Variants in SNX3 observed in about 807,000 individuals in gnomAD.
SNX3 encodes the protein sorting nexin 3, also known as sorting nexin-3.
A neutral mutation model predicts 17.7 loss-of-function variants in SNX3; 5 were observed. The ratio of observed to expected loss-of-function variants is 0.28; its 90% confidence interval spans 0.15 to 0.59. The LOEUF is 0.59. Among genes scored for constraint, SNX3 ranks in the 20% least tolerant of loss-of-function variants. The probability of loss-of-function intolerance (pLI) is 0.88; values close to 1 mark genes in which losing one functional copy is unlikely to be tolerated. For synonymous variants in SNX3, 91 were observed against 76.5 expected (o/e 1.19, Z -0.99); for missense variants, 132 against 206.8 (o/e 0.64, Z 2.22).
At chr6:108,252,857 C>T (rs989394726) in intron 1 of SNX3, among the ~76,000 whole-genome samples, 1 of 151,960 alleles carries the variant, frequency 6.6e-6, no homozygotes, top group Non-Finnish European at 1.5e-5. Context: ...AGGCTGGTCT[C>T]GAACTCCTGA....
At chr6:108,241,713 T>A (rs1405935888) in intron 1 of SNX3, among the ~76,000 whole-genome samples, 2 of 152,084 alleles carry the variant, frequency 1.3e-5, no homozygotes, top group African/African-American at 4.8e-5. Flanking sequence ...CACCTCCCCT[T>A]TGGGGAGGGG....
chr6:108,239,095 G>T (rs217126), intron 1 of SNX3, among the ~76,000 whole-genome samples: 307 of 152,102 alleles, frequency 2.0e-3, no homozygotes, highest in African/African-American at 7.1e-3. Flanking sequence ...TAGAGACGGG[G>T]TTTCGCCACA....
chr6:108,240,175 T>C (rs1394408326), intron 1 of SNX3, among the ~76,000 whole-genome samples: 1 of 152,216 alleles, frequency 6.6e-6, no homozygotes, highest in Non-Finnish European at 1.5e-5. Flanking sequence ...CAAGAAAAAC[T>C]ACTCAACTCA....
intron 1 of SNX3, among the ~76,000 whole-genome samples, chr6:108,245,983 C>T (rs1342720377): frequency 6.6e-6 from 1 of 152,134 alleles, no homozygotes; most frequent in Non-Finnish European, 1.5e-5. Flanking sequence ...GTTGCAATTG[C>T]TTTTGATGTT....
chr6:108,260,339 T>C (rs1005009057), intron 1 of SNX3, among the ~76,000 whole-genome samples: 2 of 152,226 alleles, frequency 1.3e-5, no homozygotes, highest in African/African-American at 2.4e-5. Context: ...CGGGTTGGCT[T>C]GCTACCTCTG....
intron 1 of SNX3, among the ~76,000 whole-genome samples, chr6:108,249,011 A>T (rs1775771221): frequency 6.6e-6 from 1 of 152,196 alleles, no homozygotes; most frequent in South Asian, 2.1e-4. Flanking sequence ...ATTAAAAATT[A>T]TTTATACAAC....
At chr6:108,218,587 C>A (rs776707337) in intron 2 of SNX3, among the ~76,000 whole-genome samples, 12 of 152,124 alleles carry the variant, frequency 7.9e-5, no homozygotes. Context: ...AGCAGCACTA[C>A]CAATAACAGC....
chr6:108,242,085 C>T (rs1775538080), intron 1 of SNX3, among the ~76,000 whole-genome samples: 1 of 152,078 alleles, frequency 6.6e-6, no homozygotes, highest in South Asian at 2.1e-4. Context: ...ACAGTGGATT[C>T]AAACTGGCAG....
rs1394544234 is a variant in SNX3 at position 108,260,819 on chromosome 6, T to G, written c.103A>C (p.Asn35His). The change falls in exon 1 of 4, where the codon AAC (asparagine) becomes CAC (histidine). Residue 35 changes from asparagine (N) to histidine (H), a missense_variant. Physicochemically the swap from Asn to His is moderately conservative, Grantham distance 68. Coordinates refer to ENST00000230085, the MANE Select transcript of SNX3 (RefSeq NM_003795.6). Reference sequence around the variant, plus strand: ...CGGCCGACCCCCACCGTTTGCGGGTTGCTCACATCGATCTCGAGGAAGTTG... The same window carrying G: ...CGGCCGACCCCCACCGTTTGCGGGTGGCTCACATCGATCTCGAGGAAGTTG... The part of the protein sequence containing the change: ...PSNFLEIDVS[N>H]PQTVGVGRGR... The G allele has an allele frequency of 6.2e-7, 1 of 1,613,916 alleles. No homozygotes were observed. The highest frequency in any genetic ancestry group is 8.5e-7 in the Non-Finnish European group (1 of 1,179,888).
intron 1 of SNX3, chr6:108,252,432 C>T (rs2114766109): frequency 6.6e-6 from 1 of 152,446 alleles, no homozygotes; most frequent in East Asian, 1.9e-4. Flanking sequence ...AATGCAATTG[C>T]TCGTCTGATC....
intron 2 of SNX3, among the ~76,000 whole-genome samples, chr6:108,217,038 G>A (rs1774607256): frequency 6.6e-6 from 1 of 151,664 alleles, no homozygotes; most frequent in Non-Finnish European, 1.5e-5. Context: ...TGGCTATCTG[G>A]TGGGCAGGGA....
intron 1 of SNX3, among the ~76,000 whole-genome samples, chr6:108,235,679 T>C (rs572796036): frequency 6.6e-6 from 1 of 152,134 alleles, no homozygotes; most frequent in East Asian, 1.9e-4. Flanking sequence ...GTGAATCACT[T>C]GAGGTCAGGA....
At chr6:108,239,997 G>A (rs368105117) in intron 1 of SNX3, among the ~76,000 whole-genome samples, 31 of 152,202 alleles carry the variant, frequency 2.0e-4, no homozygotes, top group African/African-American at 7.2e-4. Context: ...GAACCTAAAA[G>A]AAAGGTATAA....
At chr6:108,215,861 G>A (rs1774554721) in intron 2 of SNX3, among the ~76,000 whole-genome samples, 1 of 152,070 alleles carries the variant, frequency 6.6e-6, no homozygotes. Context: ...GAGTCCAGGA[G>A]TTCAGGACTG....
chr6:108,233,883 T>TA (rs1359193518), intron 1 of SNX3, among the ~76,000 whole-genome samples: 3 of 152,160 alleles, frequency 2.0e-5, no homozygotes, highest in African/African-American at 7.2e-5. Context: ...TTTGGAATAA[T>TA]ACTGTGAGAA....
intron 1 of SNX3, among the ~76,000 whole-genome samples, chr6:108,224,706 G>A (rs1172255999): frequency 6.6e-6 from 1 of 152,202 alleles, no homozygotes; most frequent in Admixed American, 6.5e-5. Flanking sequence ...GAAAAGCAGG[G>A]AAAGTGCTGC....
At chr6:108,216,703 T>C (rs1464442915) in intron 2 of SNX3, among the ~76,000 whole-genome samples, 5 of 152,210 alleles carry the variant, frequency 3.3e-5, no homozygotes, top group Admixed American at 6.5e-5. Flanking sequence ...ACCCTTGATA[T>C]AGTTTCTACA....
At chr6:108,257,526 A>AT (rs1776066228) in intron 1 of SNX3, among the ~76,000 whole-genome samples, 1 of 152,210 alleles carries the variant, frequency 6.6e-6, no homozygotes, top group Non-Finnish European at 1.5e-5. Context: ...GAAGAAAAAA[A>AT]TTACAAAATA....
At chr6:108,259,738 G>T (rs1178564491) in intron 1 of SNX3, among the ~76,000 whole-genome samples, 1 of 152,182 alleles carries the variant, frequency 6.6e-6, no homozygotes, top group East Asian at 1.9e-4. Context: ...TGGTAAATTT[G>T]ATTTTTGTGT....
Sources: gnomAD v4.1 joint callset for allele counts (sites outside exome capture counted in the v4.1 genomes callset) on GRCh38, gnomAD v4.1.1 for gene constraint, MANE v1.5 for transcripts, NCBI Gene and HGNC (gene_info 2026-07-23, HGNC 2026-07-21) for gene names.